The following GANC variants were observed in gnomAD, a reference collection of about 807,000 sequenced individuals.
GANC encodes the protein glucosidase alpha, neutral C.
A neutral mutation model predicts 124.2 loss-of-function variants in GANC; 117 were observed. The ratio of observed to expected loss-of-function variants is 0.94; its 90% CI spans 0.81 to 1.10. GANC has a LOEUF of 1.10. Ranked by LOEUF, GANC falls within the 50% of genes least tolerant of loss-of-function variation. The pLI is 0.00. For missense variants in GANC, 1,140 were observed against 1,095.0 expected, an observed-to-expected ratio of 1.04 and a Z score of -0.58; for synonymous variants, 377 against 376.8, an observed-to-expected ratio of 1.00 and a Z score of -0.01.
chr15:42,310,829 A>G lies in GANC; in HGVS notation c.1040A>G (p.Gln347Arg). ...CCTACACCTTCTGATGTCTTCAAAC[A>G]GTACTCACACCTTACAGGTATTTGC... is the stretch of plus-strand genomic sequence containing the variant. ...TGPTPSDVFK[Q>R]YSHLTGTQAM... The change falls in exon 10 of 24, where the codon CAG becomes CGG. Residue 347 changes from glutamine (Q) to arginine (R), a missense_variant. Transcript: ENST00000318010. 1.2e-6 allele frequency: 2 copies of G among 1,613,934 alleles called. No individual in the cohort carries two copies. The highest frequency in any genetic ancestry group is 1.6e-4 in the Middle Eastern group (1 of 6,062).
chr15:42,273,553 TCGTCTGTGCGC>T lies in GANC; in HGVS notation c.-925_-915del, dbSNP rs1346784287. On this transcript the variant is annotated 5_prime_UTR_variant, in exon 1 of 24. Coordinates refer to ENST00000318010, the MANE Select transcript of GANC (RefSeq NM_198141.3). ...GCGTAGCGGCCCCTCTCTCAGACAG[TCGTCTGTGCGC>T]CGTGAGACTTTGGACCTACTGCGCA... The T allele has an allele frequency of 5.3e-6, 7 of 1,315,374 alleles. No homozygotes were observed. Among genetic ancestry groups the T allele is most frequent in the Non-Finnish European group, 6.1e-6 (6 of 977,444 alleles). 81.5% of individuals were successfully genotyped at this position (1,315,374 alleles called of 1,614,324 possible).
chr15:42,348,983 C>G (rs933016051), intron 21 of GANC, among the ~76,000 whole-genome samples: 2 of 152,150 alleles, frequency 1.3e-5, no homozygotes, highest in Non-Finnish European at 2.9e-5. Flanking sequence ...GAAGCAGATA[C>G]CATTCTCTGA....
intron 6 of GANC, among the ~76,000 whole-genome samples, chr15:42,299,199 T>C (rs1595768576): frequency 6.6e-6 from 1 of 152,332 alleles, no homozygotes; most frequent in Middle Eastern, 3.4e-3. Flanking sequence ...TGGCTGTGGG[T>C]TCGTCATAAG....
At chr15:42,325,263 ACT>A (rs1491373687) in intron 11 of GANC, among the ~76,000 whole-genome samples, 1 of 151,990 alleles carries the variant, frequency 6.6e-6, no homozygotes, top group Non-Finnish European at 1.5e-5. Flanking sequence ...ACAGAGCGAG[ACT>A]CTGTCTCAAA....
intron 3 of GANC, chr15:42,284,149 C>T: frequency 3.3e-6 from 2 of 608,936 alleles, no homozygotes; most frequent in Non-Finnish European, 5.8e-6. Flanking sequence ...GATCAACCTA[C>T]CAAGGAAGAG....
chr15:42,294,820 A>G (rs762804553), intron 5 of GANC, among the ~76,000 whole-genome samples: 7 of 151,332 alleles, frequency 4.6e-5, no homozygotes, highest in African/African-American at 9.8e-5. Flanking sequence ...TAAATTCTCT[A>G]TTGAGGGATT....
intron 11 of GANC, 92 bp downstream of exon 11, chr15:42,322,112 C>A: frequency 3.0e-6 from 3 of 1,004,268 alleles, no homozygotes; most frequent in South Asian, 3.3e-5. Flanking sequence ...GGAGAAACAT[C>A]TGATAAAAAA....
intron 10 of GANC, among the ~76,000 whole-genome samples, chr15:42,321,036 A>T (rs542895466): frequency 1.3e-5 from 2 of 152,136 alleles, no homozygotes; most frequent in African/African-American, 4.8e-5. Context: ...TGACTTTAGG[A>T]GGGGAAGGAG....
chr15:42,292,837 G>A lies in GANC; in HGVS notation c.432G>A (p.Val144=), dbSNP rs748747464. The A allele has an allele frequency of 1.9e-6, 3 of 1,614,024 alleles. No individual in the cohort carries two copies. Among genetic ancestry groups the A allele is most frequent in the Non-Finnish European group, 2.5e-6 (3 of 1,180,008 alleles). ...CAAACCCATTCAAGGTAGACTTGGT[G>A]TCTGAAGAAGAGGTTGTGATTAGCA... ...ITANPFKVDL[V]SEEEVVISIN... Residue 144 remains valine (V), a synonymous_variant, in exon 5 of 24, where the codon GTG becomes GTA. Coordinates refer to ENST00000318010, the MANE Select transcript of GANC (RefSeq NM_198141.3).
intron 15 of GANC, among the ~76,000 whole-genome samples, chr15:42,332,694 T>A (rs1043736273): frequency 6.6e-6 from 1 of 152,054 alleles, no homozygotes; most frequent in Non-Finnish European, 1.5e-5. Context: ...ATTAGAATAC[T>A]TTTTTAAAAG....
intron 10 of GANC, among the ~76,000 whole-genome samples, chr15:42,320,201 T>C (rs2052144652): frequency 4.1e-5 from 1 of 24,362 alleles, no homozygotes; most frequent in Non-Finnish European, 8.0e-4. Context: ...ATTAATTAAT[T>C]AATTTTAAAA....
At position 42,308,145 on chromosome 15, in the gene GANC, C is replaced by T; in HGVS notation, c.626-77C>T. 3 of 875,268 alleles carry T rather than the reference C, an allele frequency of 3.4e-6. No homozygotes were observed. In the South Asian group the frequency reaches 5.3e-5, roughly 15 times the overall value. The allele number at this position is 875,268 out of a possible 1,614,324, so 54.2% of individuals were successfully genotyped here. On this transcript the variant is annotated intron_variant, in intron 7 of 23. Coordinates refer to ENST00000318010, the MANE Select transcript of GANC (RefSeq NM_198141.3). ...CTCAGCCTTTAGTCTAGTCATCTCT[C>T]TGCACTCAGAATTAACTGAATCTCC...
intron 6 of GANC, among the ~76,000 whole-genome samples, chr15:42,306,030 A>ATTT (rs11449686): frequency 2.1e-5 from 3 of 142,886 alleles, no homozygotes; most frequent in Non-Finnish European, 3.0e-5. Flanking sequence ...CACCATGTCT[A>ATTT]TTTTTTTTTT....
intron 13 of GANC, among the ~76,000 whole-genome samples, chr15:42,328,949 G>A (rs1034873519): frequency 3.3e-5 from 5 of 152,222 alleles, no homozygotes; most frequent in African/African-American, 1.2e-4. Flanking sequence ...TGATGAATGA[G>A]AAGGAGCCCA....
intron 15 of GANC, among the ~76,000 whole-genome samples, chr15:42,336,216 G>A (rs2052282607): frequency 6.6e-6 from 1 of 150,878 alleles, no homozygotes; most frequent in South Asian, 2.1e-4. Context: ...GAGGCAATAT[G>A]CTACCCAACC....
chr15:42,305,144 G>T lies in GANC; in HGVS notation c.559-1402G>T, dbSNP rs572063829. Among the ~76,000 whole-genome samples, 3 of 152,246 alleles carry T rather than the reference G, an allele frequency of 2.0e-5. No homozygotes were observed. In the South Asian group the frequency reaches 6.2e-4, roughly 32 times the overall value. On this transcript the variant is annotated intron_variant, in intron 6 of 23. Coordinates refer to ENST00000318010, the MANE Select transcript of GANC (RefSeq NM_198141.3). ...TTAAACTGAGGAGCTTCTGCACAGCGAAAGAAACTATCATCAGAGTGAACA... is the reference window on the plus strand; with the variant it reads ...TTAAACTGAGGAGCTTCTGCACAGCTAAAGAAACTATCATCAGAGTGAACA...
At chr15:42,315,080 A>T (rs1003143229) in intron 10 of GANC, among the ~76,000 whole-genome samples, 1 of 152,048 alleles carries the variant, frequency 6.6e-6, no homozygotes, top group East Asian at 1.9e-4. Flanking sequence ...CCTCTTTATC[A>T]CTCTGGATTG....
At chr15:42,275,970 C>CTGGT (rs2051667324) in intron 1 of GANC, among the ~76,000 whole-genome samples, 1 of 152,050 alleles carries the variant, frequency 6.6e-6, no homozygotes, top group Non-Finnish European at 1.5e-5. Context: ...CTTAGTTTGT[C>CTGGT]TGGTTGGTTG....
rs201403785 is a variant in GANC at position 42,310,781 on chromosome 15, T to C, written c.992T>C (p.Ile331Thr). Residue 331 changes from isoleucine to threonine, a missense_variant, in exon 10 of 24, where the codon ATT becomes ACT. Ile to Thr is a moderately conservative substitution (Grantham distance 89). Transcript: ENST00000318010. ...CACTGGATGTCAGAGAGTGGCATCA[T>C]TGATGTTTTTCTGCTGACAGGACCT... is the stretch of plus-strand genomic sequence containing the variant. ...HVHWMSESGI[I>T]DVFLLTGPTP... 1.5e-5 allele frequency: 24 copies of C among 1,614,172 alleles called. No homozygotes were observed. Among genetic ancestry groups the C allele is most frequent in the East Asian group, 8.9e-5 (4 of 44,882 alleles).
Sources: gnomAD v4.1 joint callset for allele counts (sites outside exome capture counted in the v4.1 genomes callset) on GRCh38, gnomAD v4.1.1 for gene constraint, MANE v1.5 for transcripts, NCBI Gene and HGNC (gene_info 2026-07-23, HGNC 2026-07-21) for gene names.